FRMD3: variants seen among roughly 807,000 people sequenced by gnomAD.
The protein encoded by FRMD3 is FERM domain containing 3.
A neutral mutation model predicts 70.2 loss-of-function variants in FRMD3; 33 were observed. The ratio of observed to expected loss-of-function variants is 0.47; its 90% confidence interval spans 0.36 to 0.63. The LOEUF is 0.63. FRMD3 is among the 20% of genes least tolerant of loss of function. The pLI is 0.00. For missense variants in FRMD3, 632 were observed against 711.4 expected (o/e 0.89, Z 1.27); for synonymous variants, 279 against 255.9 (o/e 1.09, Z -0.86).
At chr9:83,289,023 T>G (rs1020449536) in intron 13 of FRMD3, among the ~76,000 whole-genome samples, 11 of 152,224 alleles carry the variant, frequency 7.2e-5, no homozygotes, top group Admixed American at 2.0e-4. Context: ...TTGTGAGATG[T>G]CCCTTCTCTT....
At position 83,335,622 on chromosome 9, in the gene FRMD3, C is replaced by A. The variant is rs758114674; in HGVS notation, c.490G>T (p.Asp164Tyr). Residue 164 changes from aspartate to tyrosine, a missense_variant, in exon 6 of 14, where the codon GAT (aspartate) becomes TAT (tyrosine). By Grantham distance (160) the Asp-to-Tyr change is radical. This residue lies in a region of FRMD3 where 208 missense variants were observed against 247.7 expected (regional missense o/e 0.84). Coordinates refer to ENST00000304195, the MANE Select transcript of FRMD3 (RefSeq NM_174938.6). ...CIVQAELGDY[D>Y]PDEHPENYIS... is the part of the protein sequence containing the mutation. ...TAATTCTCAGGATGCTCATCAGGAT[C>A]GTAATCACCAAGCTCAGCTGTAATG... is the stretch of plus-strand genomic sequence containing the variant. 2 of 1,612,668 alleles carry A rather than the reference C, an allele frequency of 1.2e-6. No individual in the cohort carries two copies. Among genetic ancestry groups the A allele is most frequent in the East Asian group, 2.2e-5 (1 of 44,854 alleles).
At chr9:83,498,902 T>C (rs1358078334) in intron 1 of FRMD3, among the ~76,000 whole-genome samples, 1 of 152,182 alleles carries the variant, frequency 6.6e-6, no homozygotes, top group Admixed American at 6.5e-5. Context: ...ATCTACTAGA[T>C]AAAGAAAGGC....
chr9:83,300,300 G>C (rs1403968211), intron 10 of FRMD3, among the ~76,000 whole-genome samples: 2 of 152,230 alleles, frequency 1.3e-5, no homozygotes, highest in Non-Finnish European at 2.9e-5. Flanking sequence ...TCTGAGTTGA[G>C]ATCCAGAGGC....
At chr9:83,476,365 C>G (rs373144031) in intron 1 of FRMD3, among the ~76,000 whole-genome samples, 1 of 131,272 alleles carries the variant, frequency 7.6e-6, no homozygotes, top group Non-Finnish European at 1.6e-5. Flanking sequence ...GCCTAGGAGA[C>G]AGAGCAAGAC....
At chr9:83,462,834 T>TG (rs1828013789) in intron 1 of FRMD3, among the ~76,000 whole-genome samples, 1 of 152,240 alleles carries the variant, frequency 6.6e-6, no homozygotes, top group African/African-American at 2.4e-5. Context: ...GGCACACCTA[T>TG]GTTTCAGAAA....
chr9:83,493,923 G>A (rs1412404838), intron 1 of FRMD3, among the ~76,000 whole-genome samples: 2 of 152,156 alleles, frequency 1.3e-5, no homozygotes, highest in African/African-American at 4.8e-5. Context: ...CTGTGATGGC[G>A]CCTCCCACCA....
Position 83,353,696 on chromosome 9 carries a change from C to A in FRMD3, c.296-3939G>T, listed in dbSNP as rs111635885. On this transcript the variant is annotated intron_variant, in intron 3 of 13. Transcript: ENST00000304195. ...AAGTTTGTCATCTGGATCACTACAG[C>A]AATTCCTGAGATTTACATTTTGAAA... Among the ~76,000 whole-genome samples, 703 of 152,320 alleles carry A rather than the reference C, an allele frequency of 4.6e-3. 9 individuals carry two copies. Among genetic ancestry groups the A allele is most frequent in the African/African-American group, 0.016 (677 of 41,566 alleles).
At chr9:83,321,260 C>A (rs559925841) in intron 6 of FRMD3, among the ~76,000 whole-genome samples, 62 of 152,098 alleles carry the variant, frequency 4.1e-4, no homozygotes, top group Non-Finnish European at 6.9e-4. Flanking sequence ...CTAGTTACTT[C>A]AAGTACAATG....
At chr9:83,307,334 G>C (rs1835171907) in intron 10 of FRMD3, among the ~76,000 whole-genome samples, 1 of 152,148 alleles carries the variant, frequency 6.6e-6, no homozygotes, top group Admixed American at 6.5e-5. Context: ...ATGCCCAAGA[G>C]AACTGTCCAC....
At chr9:83,541,425 G>GTA (rs1829998427), upstream of FRMD3, among the ~76,000 whole-genome samples, 1 of 152,210 alleles carries the variant, frequency 6.6e-6, no homozygotes, top group Admixed American at 6.5e-5. Flanking sequence ...TACAGGAAAA[G>GTA]ATCCAAAGAA....
At chr9:83,333,047 G>C (rs1823443381) in intron 6 of FRMD3, among the ~76,000 whole-genome samples, 1 of 152,188 alleles carries the variant, frequency 6.6e-6, no homozygotes, top group South Asian at 2.1e-4. Context: ...TTCAGTCCCT[G>C]TAGCAGGTTT....
At position 83,257,258 on chromosome 9, in the gene FRMD3, A is replaced by C. The variant is rs1047545721; in HGVS notation, c.1196-8742T>G. ...GAGTTGGAAGTCATTATCCTCAGCA[A>C]ACTAATGCAGAAACAGAAAACCAAA... On this transcript the variant is annotated intron_variant, in intron 13 of 13. Coordinates refer to ENST00000304195, the MANE Select transcript of FRMD3 (RefSeq NM_174938.6). 3.9e-5 allele frequency among the ~76,000 whole-genome samples: 6 copies of C among 152,194 alleles called. 1 individual carries two copies. The highest frequency in any genetic ancestry group is 1.4e-4 in the African/African-American group (6 of 41,438).
chr9:83,445,379 T>TAGATAGATAGAC (rs1554706371), intron 1 of FRMD3, among the ~76,000 whole-genome samples: 4,968 of 150,818 alleles, frequency 0.033, 108 homozygotes, highest in African/African-American at 0.051. Context: ...GATAGATAGA[T>TAGATAGATAGAC]AGACAGATAG....
At position 83,537,850 on chromosome 9, in the gene FRMD3, G is replaced by A. The variant is rs2131567526; in HGVS notation, c.147+235C>T. Among the ~76,000 whole-genome samples, 1 of 151,354 alleles carries A rather than the reference G, an allele frequency of 6.6e-6. No homozygotes were observed. Among genetic ancestry groups the A allele is most frequent in the Non-Finnish European group, 1.5e-5 (1 of 67,736 alleles). On this transcript the variant is annotated intron_variant, in intron 1 of 13. Transcript: ENST00000304195. This position sits in a 1 kb window ranked among gnomAD's most constrained non-coding sequence, Gnocchi z 4.1. ...TGAGACGCGCGCGCAGGGTGCACGCGAGGGGAAGGAGACTGGGCGCGGATA... is the reference window on the plus strand; with the variant it reads ...TGAGACGCGCGCGCAGGGTGCACGCAAGGGGAAGGAGACTGGGCGCGGATA...
At chr9:83,545,656 C>T in the FRMD3 span, among the ~76,000 whole-genome samples, 12 of 151,680 alleles carry the variant, frequency 7.9e-5, no homozygotes, top group African/African-American at 2.7e-4. Flanking sequence ...CACACCCGGC[C>T]GAGAAAATAA....
intron 6 of FRMD3, among the ~76,000 whole-genome samples, chr9:83,327,422 A>T (rs1232221501): frequency 2.6e-5 from 4 of 152,214 alleles, no homozygotes; most frequent in Non-Finnish European, 5.9e-5. Flanking sequence ...GCTTTATAGC[A>T]TTCATGTGGA....
intron 1 of FRMD3, among the ~76,000 whole-genome samples, chr9:83,404,974 C>T (rs1215352898): frequency 6.6e-6 from 1 of 152,184 alleles, no homozygotes; most frequent in Non-Finnish European, 1.5e-5. Flanking sequence ...TAGAGGTATC[C>T]TTAAGACTCA....
chr9:83,468,018 G>C (rs1335915570), intron 1 of FRMD3, among the ~76,000 whole-genome samples: 3 of 151,978 alleles, frequency 2.0e-5, no homozygotes, highest in African/African-American at 7.3e-5. Flanking sequence ...AAAAAAATCA[G>C]TGGGAATAAA....
At chr9:83,461,389 C>T (rs1040702038) in intron 1 of FRMD3, among the ~76,000 whole-genome samples, 8 of 151,648 alleles carry the variant, frequency 5.3e-5, no homozygotes, top group Non-Finnish European at 1.2e-4. Flanking sequence ...CCACTGAGAC[C>T]CACTAAGTTT....
Sources: allele counts gnomAD v4.1 joint callset (sites outside exome capture counted in the v4.1 genomes callset), GRCh38; gene constraint gnomAD v4.1.1; regional missense constraint gnomAD v4.1.1; non-coding constraint Gnocchi (gnomAD v3.1); transcripts MANE v1.5; gene names NCBI Gene and HGNC (gene_info 2026-07-23, HGNC 2026-07-21).